CHM: variants seen among roughly 807,000 people sequenced by gnomAD.
CHM encodes CHM Rab escort protein.
Under a neutral mutation model 49.0 loss-of-function variants are expected in CHM, and 10 were observed. That is an observed-to-expected ratio of 0.20 (90% CI 0.13 to 0.35). CHM has a LOEUF of 0.35. Ranked by LOEUF, CHM falls within the 10% of genes least tolerant of loss-of-function variation. The pLI, the probability that CHM is intolerant of heterozygous loss-of-function variation, is 1.00. For missense variants in CHM, 455 were observed against 478.4 expected, an observed-to-expected ratio of 0.95 and a Z score of 0.46; for synonymous variants, 184 against 167.5, an observed-to-expected ratio of 1.10 and a Z score of -0.76.
intron 2 of CHM, among the ~76,000 whole-genome samples, chrX:86,022,000 T>A (rs1228122710): frequency 1.8e-5 from 2 of 110,955 alleles, no homozygotes; most frequent in African/African-American, 6.6e-5. Flanking sequence ...AGACAGAAAG[T>A]GGAGTAGTGG....
chrX:85,947,986 T>A (rs1051715561), intron 8 of CHM, among the ~76,000 whole-genome samples: 26 of 111,861 alleles, frequency 2.3e-4, no homozygotes, highest in African/African-American at 8.4e-4. Flanking sequence ...GGCCACAGAA[T>A]AATGAAAGGC....
At chrX:85,918,380 C>T (rs1426779444) in intron 8 of CHM, among the ~76,000 whole-genome samples, 1 of 111,847 alleles carries the variant, frequency 8.9e-6, no homozygotes, top group African/African-American at 3.3e-5. Flanking sequence ...TACCACCACA[C>T]CTACCTTAAA....
intron 1 of CHM, among the ~76,000 whole-genome samples, chrX:86,042,660 TAAAA>T (rs954723957): frequency 1.0e-5 from 1 of 98,040 alleles, no homozygotes; most frequent in African/African-American, 3.7e-5. Context: ...TCTACAAAAA[TAAAA>T]AAAAAAAAAT....
At chrX:85,913,769 T>C (rs559849617) in intron 8 of CHM, among the ~76,000 whole-genome samples, 3 of 110,238 alleles carry the variant, frequency 2.7e-5, no homozygotes, top group South Asian at 7.8e-4. Context: ...GGGGAAAGAA[T>C]GGAACCTTGA....
intron 2 of CHM, among the ~76,000 whole-genome samples, chrX:86,003,231 A>G (rs1307999455): frequency 2.7e-5 from 3 of 112,079 alleles, no homozygotes; most frequent in Non-Finnish European, 1.9e-5. Context: ...CAAAAAGGAC[A>G]TTTACACCAA....
intron 2 of CHM, among the ~76,000 whole-genome samples, chrX:86,016,958 T>C (rs1933329603): frequency 8.9e-6 from 1 of 112,537 alleles, no homozygotes; most frequent in Non-Finnish European, 1.9e-5. Flanking sequence ...GAAACCCAAC[T>C]CTTGCATCAG....
At chrX:85,930,018 C>T (rs113601570) in intron 8 of CHM, among the ~76,000 whole-genome samples, 1,973 of 111,658 alleles carry the variant, frequency 0.018, 41 homozygotes, top group African/African-American at 0.061. Context: ...ATAAGAATCC[C>T]TTGAACCAGG....
intron 8 of CHM, among the ~76,000 whole-genome samples, chrX:85,947,599 T>C (rs1359212622): frequency 1.8e-5 from 2 of 111,691 alleles, no homozygotes; most frequent in Non-Finnish European, 3.8e-5. Flanking sequence ...CATTATAAAT[T>C]ACCCAGTCTC....
intron 2 of CHM, among the ~76,000 whole-genome samples, chrX:85,989,032 A>C (rs1421875933): frequency 9.0e-6 from 1 of 111,712 alleles, no homozygotes; most frequent in Non-Finnish European, 1.9e-5. Context: ...AAAATACCCA[A>C]ATAGCCAAGG....
intron 2 of CHM, among the ~76,000 whole-genome samples, chrX:85,997,361 G>A (rs1327152691): frequency 1.8e-5 from 2 of 111,321 alleles, no homozygotes; most frequent in East Asian, 2.8e-4. Flanking sequence ...TGTTCACCTC[G>A]ATACCCAGGA....
intron 4 of CHM, among the ~76,000 whole-genome samples, chrX:85,976,284 A>T (rs1931252644): frequency 9.0e-6 from 1 of 111,568 alleles, no homozygotes; most frequent in African/African-American, 3.3e-5. Flanking sequence ...CAGCTTGCCG[A>T]TGCTGTCTTC....
chrX:85,922,802 T>A (rs1463895866), intron 8 of CHM, among the ~76,000 whole-genome samples: 1 of 111,943 alleles, frequency 8.9e-6, no homozygotes, highest in Non-Finnish European at 1.9e-5. Flanking sequence ...GGCCTCATCC[T>A]CTGCTACAAG....
At position 85,952,852 on chromosome X, in the gene CHM, C is replaced by T. The variant is rs780605366; in HGVS notation, c.1166+3301G>A. Among the ~76,000 whole-genome samples the T allele has an allele frequency of 2.9e-3, 332 of 112,760 alleles. 5 individuals carry two copies. The highest frequency in any genetic ancestry group is 4.0e-3 in the Non-Finnish European group (213 of 53,308). The stretch of plus-strand genomic sequence containing the variant: ...GAGCCCACTGCCATGAAGGGTAAGG[C>T]CCAGGCCTGGAAGCATTCAACACAA... On this transcript the variant is annotated intron_variant, in intron 8 of 14. Coordinates refer to ENST00000357749, the MANE Select transcript of CHM (RefSeq NM_000390.4).
At chrX:85,896,383 G>A (rs1391365210) in intron 11 of CHM, among the ~76,000 whole-genome samples, 1 of 111,048 alleles carries the variant, frequency 9.0e-6, no homozygotes, top group African/African-American at 3.3e-5. Flanking sequence ...ATTGAAGGAC[G>A]TGAAGTTGAA....
At chrX:85,956,049 G>T in intron 8 of CHM, 104 bp downstream of exon 8, 1 of 619,832 alleles carries the variant, frequency 1.6e-6, no homozygotes, top group East Asian at 3.6e-5. Flanking sequence ...GTATATATTT[G>T]CATATACTAA....
chrX:85,900,722 A>G lies in CHM; in HGVS notation c.1350-13T>C. 1 of 1,142,961 alleles carries G rather than the reference A, an allele frequency of 8.7e-7. No homozygotes were observed. The highest frequency in any genetic ancestry group is 1.2e-6 in the Non-Finnish European group (1 of 835,109). 94.2% of individuals were successfully genotyped at this position (1,142,961 alleles called of 1,213,427 possible). Reference sequence around the variant, plus strand: ...CCTGGAGATCTGCCTGTAATGCACAAAACAGTGAAGCAGTAATTCTGATTC... The same window carrying G: ...CCTGGAGATCTGCCTGTAATGCACAGAACAGTGAAGCAGTAATTCTGATTC... On this transcript the variant is annotated splice_polypyrimidine_tract_variant and intron_variant, in intron 10 of 14. Coordinates refer to ENST00000357749, the MANE Select transcript of CHM (RefSeq NM_000390.4).
intron 2 of CHM, among the ~76,000 whole-genome samples, chrX:86,023,873 A>T (rs149962255): frequency 0.011 from 1,214 of 111,913 alleles, 14 homozygotes; most frequent in African/African-American, 0.037. Context: ...TCAAATATCT[A>T]ATGTATACCA....
intron 5 of CHM, among the ~76,000 whole-genome samples, chrX:85,962,305 C>T (rs888421450): frequency 8.9e-6 from 1 of 112,042 alleles, no homozygotes; most frequent in African/African-American, 3.2e-5. Context: ...GGAAAAAATG[C>T]TAGATTTCAA....
chrX:86,000,855 A>G (rs1932682920), intron 2 of CHM, among the ~76,000 whole-genome samples: 1 of 111,589 alleles, frequency 9.0e-6, no homozygotes, highest in Non-Finnish European at 1.9e-5. Flanking sequence ...AGGAAAGGGG[A>G]GCAGAGGGCA....
Sources: gnomAD v4.1 joint callset for allele counts (sites outside exome capture counted in the v4.1 genomes callset) on GRCh38, gnomAD v4.1.1 for gene constraint, MANE v1.5 for transcripts, NCBI Gene and HGNC (gene_info 2026-07-23, HGNC 2026-07-21) for gene names.